The following GTF2B variants were observed in gnomAD, a reference collection of about 807,000 sequenced individuals.
GTF2B encodes the protein general transcription factor IIB.
Under a neutral mutation model 34.6 loss-of-function variants are expected in GTF2B, and 20 were observed. The observed-to-expected ratio is 0.58, with a 90% CI of 0.41 to 0.84. The LOEUF (loss-of-function observed/expected upper bound fraction) is 0.84. Among genes scored for constraint, GTF2B ranks in the 40% least tolerant of loss-of-function variants. GTF2B has a pLI of 0.00. For missense variants in GTF2B, 237 were observed against 393.3 expected (o/e 0.60, Z 3.36); for synonymous variants, 142 against 132.4 (o/e 1.07, Z -0.50).
intron 5 of GTF2B, 22 bp from the exon 6 acceptor site, chr1:88,857,509 A>C: frequency 7.7e-7 from 1 of 1,302,226 alleles, no homozygotes; most frequent in Non-Finnish European, 1.1e-6. Flanking sequence ...AAAATTAAAT[A>C]AATCAATTCA....
chr1:88,864,649 G>A (rs996707670), intron 2 of GTF2B, among the ~76,000 whole-genome samples: 1 of 152,226 alleles, frequency 6.6e-6, no homozygotes, highest in African/African-American at 2.4e-5. Flanking sequence ...TAGAATCCGT[G>A]AGAAGAAAGC....
At chr1:88,869,753 A>G (rs1673646386) in intron 2 of GTF2B, among the ~76,000 whole-genome samples, 1 of 152,056 alleles carries the variant, frequency 6.6e-6, no homozygotes, top group South Asian at 2.1e-4. Context: ...TCAGCTTCCA[A>G]GTAGCTGGGA....
At chr1:88,855,220 T>C (rs1249406262) in intron 6 of GTF2B, among the ~76,000 whole-genome samples, 2 of 152,242 alleles carry the variant, frequency 1.3e-5, no homozygotes, top group African/African-American at 2.4e-5. Flanking sequence ...AATGGCTCCT[T>C]CAAATAACTA....
intron 5 of GTF2B, 35 bp from the exon 6 acceptor site, chr1:88,857,522 T>A: frequency 9.0e-7 from 1 of 1,105,136 alleles, no homozygotes; most frequent in Non-Finnish European, 1.4e-6. Flanking sequence ...TCAATTCACT[T>A]AAGCCATATA....
chr1:88,880,413 C>T (rs1404884550), intron 2 of GTF2B, among the ~76,000 whole-genome samples: 2 of 152,160 alleles, frequency 1.3e-5, no homozygotes, highest in African/African-American at 2.4e-5. Context: ...TTTAAACCAG[C>T]GAGCTGATGC....
chr1:88,880,732 C>T (rs914316028), intron 2 of GTF2B, among the ~76,000 whole-genome samples: 5 of 152,006 alleles, frequency 3.3e-5, no homozygotes, highest in Middle Eastern at 3.2e-3. Context: ...TGGGGCCTGG[C>T]GCAGTGGCTC....
chr1:88,872,353 TGAG>T lies in GTF2B; in HGVS notation c.125-8242_125-8240del, dbSNP rs1191364831. Among the ~76,000 whole-genome samples, 10 of 145,320 alleles carry T rather than the reference TGAG, an allele frequency of 6.9e-5. No homozygotes were observed. The South Asian group carries it at 1.1e-3, about 16-fold the overall frequency. ...CTGCAACCCCAGGTACTTGGGAGGC[TGAG>T]GAGGAGAACTGCTTGAACCTGGGAG... is the stretch of plus-strand genomic sequence containing the variant. On this transcript the variant is annotated intron_variant, in intron 2 of 6. Transcript: ENST00000370500.
chr1:88,869,119 T>C (rs906609444), intron 2 of GTF2B, among the ~76,000 whole-genome samples: 2 of 149,388 alleles, frequency 1.3e-5, no homozygotes, highest in Non-Finnish European at 2.9e-5. Flanking sequence ...GTACTGAACA[T>C]GTACAGACAT....
intron 2 of GTF2B, among the ~76,000 whole-genome samples, chr1:88,872,619 T>C (rs1673723240): frequency 6.6e-6 from 1 of 152,128 alleles, no homozygotes; most frequent in Admixed American, 6.5e-5. Context: ...TGTAAAGTTT[T>C]ATTCTCTTTT....
Position 88,864,043 on chromosome 1 carries a change from G to A in GTF2B, c.196C>T (p.Arg66Ter), listed in dbSNP as rs1162137076. 1.2e-6 allele frequency: 2 copies of A among 1,613,116 alleles called. No individual in the cohort carries two copies. The highest frequency in any genetic ancestry group is 8.5e-7 in the Non-Finnish European group (1 of 1,179,112). ...SNDKATKDPS[R>*]VGDSQNPLLS... ...AGAGGATTCTGAGAATCTCCAACTC[G>A]AGATGGATCTTTTGTTGCTTTGTCA... The change falls in exon 3 of 7, where the codon CGA becomes TGA. Residue 66 changes from arginine to a stop codon, truncating the protein, a stop_gained. Transcript: ENST00000370500. LOFTEE classifies it high-confidence loss of function.
At chr1:88,877,936 C>A (rs972755350) in intron 2 of GTF2B, among the ~76,000 whole-genome samples, 2 of 151,682 alleles carry the variant, frequency 1.3e-5, no homozygotes, top group African/African-American at 2.4e-5. Flanking sequence ...GTCTCAAAAA[C>A]AAAACAAACA....
chr1:88,877,080 T>C (rs986641349), intron 2 of GTF2B, among the ~76,000 whole-genome samples: 1 of 152,206 alleles, frequency 6.6e-6, no homozygotes, highest in African/African-American at 2.4e-5. Flanking sequence ...TGTTCCTCAA[T>C]ATGTTACCAA....
At chr1:88,880,768 A>G (rs1365821651) in intron 2 of GTF2B, among the ~76,000 whole-genome samples, 1 of 152,142 alleles carries the variant, frequency 6.6e-6, no homozygotes, top group Non-Finnish European at 1.5e-5. Context: ...GTACTTTGGG[A>G]GGCCGAGGCT....
At chr1:88,889,703 G>GA (rs1404996282) in intron 1 of GTF2B, among the ~76,000 whole-genome samples, 1 of 152,126 alleles carries the variant, frequency 6.6e-6, no homozygotes, top group African/African-American at 2.4e-5. Flanking sequence ...CTTCCTGAGG[G>GA]AAAAACATGC....
rs554560845 is a variant in GTF2B at position 88,861,729 on chromosome 1, G to A, written c.259-1443C>T. Among the ~76,000 whole-genome samples, 12 of 152,340 alleles carry A rather than the reference G, an allele frequency of 7.9e-5. No homozygotes were observed. In the South Asian group the frequency reaches 8.3e-4, roughly 11 times the overall value. ...CGCCTGTGGTCTCAGCTACTCAGGA[G>A]GCTGAGGCAGGAGGGTTACCTAAGC... On this transcript the variant is annotated intron_variant, in intron 3 of 6. Coordinates refer to ENST00000370500, the MANE Select transcript of GTF2B (RefSeq NM_001514.6).
At chr1:88,857,091 G>A (rs535553499) in intron 6 of GTF2B, 115 bp downstream of exon 6, 47 of 929,606 alleles carry the variant, frequency 5.1e-5, no homozygotes, top group African/African-American at 2.1e-4. Flanking sequence ...GTGAGCCCCC[G>A]CGCCTGGTCA....
chr1:88,882,323 A>AAAAAAAC (rs1553163746), intron 2 of GTF2B, among the ~76,000 whole-genome samples: 7 of 150,646 alleles, frequency 4.6e-5, no homozygotes, highest in African/African-American at 1.7e-4. Flanking sequence ...AAAAAAAAAA[A>AAAAAAAC]AAAAAAAAAA....
At chr1:88,871,580 G>A (rs944305498) in intron 2 of GTF2B, among the ~76,000 whole-genome samples, 1 of 152,168 alleles carries the variant, frequency 6.6e-6, no homozygotes, top group East Asian at 1.9e-4. Flanking sequence ...TCAAAGGGGA[G>A]AAATACAATT....
intron 3 of GTF2B, among the ~76,000 whole-genome samples, chr1:88,861,680 A>C (rs1392228231): frequency 1.3e-5 from 2 of 152,088 alleles, no homozygotes; most frequent in Non-Finnish European, 2.9e-5. Flanking sequence ...AAACAAAACA[A>C]AACAGGCCGA....
Sources: gnomAD v4.1 joint callset for allele counts (sites outside exome capture counted in the v4.1 genomes callset) on GRCh38, gnomAD v4.1.1 for gene constraint, MANE v1.5 for transcripts, NCBI Gene and HGNC (gene_info 2026-07-23, HGNC 2026-07-21) for gene names.